FAT3: variants seen among roughly 807,000 people sequenced by gnomAD.
FAT3 encodes FAT atypical cadherin 3, also known as protocadherin Fat 3.
In FAT3, 95 loss-of-function variants were observed where a neutral mutation model predicts 310.2. The ratio of observed to expected loss-of-function variants is 0.31; its 90% CI spans 0.26 to 0.36. The LOEUF is 0.36. Among genes scored for constraint, FAT3 ranks in the 10% least tolerant of loss-of-function variants. The pLI, the probability that FAT3 is intolerant of heterozygous loss-of-function variation, is 1.00. For missense variants in FAT3, 5,408 were observed against 5,715.6 expected, an observed-to-expected ratio of 0.95 and a Z score of 1.74; for synonymous variants, 2,314 against 2,192.9, an observed-to-expected ratio of 1.06 and a Z score of -1.54.
At chr11:92,613,683 C>T (rs1940672892) in intron 3 of FAT3, among the ~76,000 whole-genome samples, 1 of 152,160 alleles carries the variant, frequency 6.6e-6, no homozygotes, top group Non-Finnish European at 1.5e-5. Flanking sequence ...GAGCTCTCCT[C>T]ATCACGGTAT....
intron 22 of FAT3, among the ~76,000 whole-genome samples, chr11:92,869,707 A>G (rs1949338698): frequency 6.6e-6 from 1 of 152,266 alleles, no homozygotes; most frequent in Non-Finnish European, 1.5e-5. Flanking sequence ...TTTACTTCAT[A>G]TCTATGAAAC....
At chr11:92,682,584 C>T (rs1802148954) in intron 3 of FAT3, among the ~76,000 whole-genome samples, 1 of 152,166 alleles carries the variant, frequency 6.6e-6, no homozygotes, top group African/African-American at 2.4e-5. Context: ...AAGTTAATCA[C>T]AAATACTTGG....
At chr11:92,704,014 A>G (rs190062853) in intron 4 of FAT3, among the ~76,000 whole-genome samples, 118 of 152,354 alleles carry the variant, frequency 7.7e-4, no homozygotes, top group South Asian at 4.8e-3. Context: ...TCATGGCAGT[A>G]CCCAGGATAG....
rs1426602263 is a variant in FAT3, at chr11:92,790,066, A to C, written c.4459A>C (p.Arg1487=). Residue 1487 remains arginine (R), a synonymous_variant, in exon 8 of 28, where the codon AGA becomes CGA. Transcript: ENST00000525166. Reference sequence around the variant, plus strand: ...GATCCTGCAGATTGAAGCCACAGATAGAGATGAGAAGCACAAGCTGAGCTA... The same window carrying C: ...GATCCTGCAGATTGAAGCCACAGATCGAGATGAGAAGCACAAGCTGAGCTA... ...TEILQIEATD[R]DEKHKLSYTV... is the part of the protein sequence containing the mutation. The C allele has an allele frequency of 6.2e-7, 1 of 1,613,748 alleles. No individual in the cohort carries two copies.
At chr11:92,525,878 A>G (rs139675275) in intron 3 of FAT3, among the ~76,000 whole-genome samples, 139 of 152,312 alleles carry the variant, frequency 9.1e-4, no homozygotes, top group African/African-American at 3.2e-3. Context: ...TGTTTGTTAA[A>G]CAGAAACATG....
chr11:92,252,398 TAACA>T (rs1865172055), intron 1 of FAT3, among the ~76,000 whole-genome samples: 1 of 152,114 alleles, frequency 6.6e-6, no homozygotes, highest in Non-Finnish European at 1.5e-5. Context: ...TCGACCACAC[TAACA>T]AACCATACTG....
At chr11:92,270,315 G>A (rs1055192126) in intron 1 of FAT3, among the ~76,000 whole-genome samples, 2 of 151,976 alleles carry the variant, frequency 1.3e-5, no homozygotes, top group Admixed American at 6.6e-5. Context: ...GCTTGAACTT[G>A]GGTCTCCTTC....
chr11:92,251,122 G>T (rs4753405), intron 1 of FAT3, among the ~76,000 whole-genome samples: 33,702 of 152,028 alleles, frequency 0.22, 3,847 homozygotes, highest in East Asian at 0.37. Flanking sequence ...AAGTCCTCCA[G>T]CAATAATAAG....
intron 1 of FAT3, among the ~76,000 whole-genome samples, chr11:92,226,074 C>T (rs1863894728): frequency 6.6e-6 from 1 of 152,150 alleles, no homozygotes; most frequent in Non-Finnish European, 1.5e-5. Context: ...GACGAATCCC[C>T]TCTACAGGCC....
At chr11:92,407,782 C>T (rs1455444707) in intron 2 of FAT3, among the ~76,000 whole-genome samples, 2 of 152,082 alleles carry the variant, frequency 1.3e-5, no homozygotes, top group African/African-American at 4.8e-5. Context: ...CTTGTAGGGT[C>T]CTTTATAATA....
chr11:92,519,201 A>G (rs1953599730), intron 2 of FAT3, among the ~76,000 whole-genome samples: 2 of 152,168 alleles, frequency 1.3e-5, no homozygotes, highest in Admixed American at 1.3e-4. Context: ...GTAGTCAAAC[A>G]GATTAATGGG....
chr11:92,467,334 G>C (rs1209276329), intron 2 of FAT3, among the ~76,000 whole-genome samples: 1 of 152,030 alleles, frequency 6.6e-6, no homozygotes, highest in South Asian at 2.1e-4. Context: ...GACAGTGATG[G>C]TGAGCATTTT....
At chr11:92,247,849 G>A (rs1332003517) in intron 1 of FAT3, among the ~76,000 whole-genome samples, 4 of 150,954 alleles carry the variant, frequency 2.6e-5, no homozygotes, top group Admixed American at 6.6e-5. Flanking sequence ...TGAGCCTGTT[G>A]TTGCAGCTAC....
intron 2 of FAT3, chr11:92,400,855 T>G (rs1949998229): frequency 6.6e-6 from 1 of 152,142 alleles, no homozygotes. Flanking sequence ...TATATAAGTA[T>G]GTACAGATAC....
At chr11:92,469,091 A>C (rs1020101262) in intron 2 of FAT3, among the ~76,000 whole-genome samples, 1 of 152,170 alleles carries the variant, frequency 6.6e-6, no homozygotes, top group South Asian at 2.1e-4. Flanking sequence ...GTCATAACTT[A>C]ACGAACCATA....
intron 3 of FAT3, among the ~76,000 whole-genome samples, chr11:92,545,408 G>A (rs780942072): frequency 6.6e-6 from 1 of 152,010 alleles, no homozygotes; most frequent in African/African-American, 2.4e-5. Context: ...TTGTCCTTTT[G>A]TTCACCATTG....
At chr11:92,708,388 C>A (rs1201540750) in intron 4 of FAT3, among the ~76,000 whole-genome samples, 1 of 152,148 alleles carries the variant, frequency 6.6e-6, no homozygotes, top group African/African-American at 2.4e-5. Flanking sequence ...GGTTAATGCA[C>A]AAGATATGGA....
intron 2 of FAT3, among the ~76,000 whole-genome samples, chr11:92,522,492 G>T (rs1469490906): frequency 2.6e-5 from 4 of 152,064 alleles, no homozygotes; most frequent in Admixed American, 2.6e-4. Flanking sequence ...TAGCTTCTGG[G>T]TTGACGGTTC....
intron 3 of FAT3, among the ~76,000 whole-genome samples, chr11:92,536,081 C>G (rs186568661): frequency 6.6e-6 from 1 of 152,226 alleles, no homozygotes; most frequent in African/African-American, 2.4e-5. Context: ...ATATTCTGAT[C>G]TTGTCCTTTT....
Sources: gnomAD v4.1 joint callset for allele counts (sites outside exome capture counted in the v4.1 genomes callset) on GRCh38, gnomAD v4.1.1 for gene constraint, MANE v1.5 for transcripts, NCBI Gene and HGNC (gene_info 2026-07-23, HGNC 2026-07-21) for gene names.